DMD: variants seen among roughly 807,000 people sequenced by gnomAD.
The protein encoded by DMD is dystrophin.
Under a neutral mutation model 330.1 loss-of-function variants are expected in DMD, and 63 were observed. That is an observed-to-expected ratio of 0.19 (90% CI 0.16 to 0.24). The LOEUF (loss-of-function observed/expected upper bound fraction) is 0.24, where lower values mean the gene tolerates loss of function less well. Among genes scored for constraint, DMD ranks in the 10% least tolerant of loss-of-function variants. The probability of loss-of-function intolerance (pLI) is 1.00; values close to 1 mark genes in which losing one functional copy is unlikely to be tolerated. For missense variants in DMD, 3,344 were observed against 2,684.1 expected, an observed-to-expected ratio of 1.25 and a Z score of -5.43; for synonymous variants, 1,223 against 959.8, an observed-to-expected ratio of 1.27 and a Z score of -5.07.
At chrX:32,821,453 G>T (rs1414837782) in intron 5 of DMD, among the ~76,000 whole-genome samples, 1 of 33,055 alleles carries the variant, frequency 3.0e-5, no homozygotes, top group Non-Finnish European at 6.1e-5. Context: ...CGGGCGTGGT[G>T]GGGGGGCGCC....
chrX:31,284,568 T>TCTTCTTCTTCTTTCTTCTTC, intron 62 of DMD, among the ~76,000 whole-genome samples: 6 of 61,328 alleles, frequency 9.8e-5, no homozygotes, highest in African/African-American at 3.8e-4. Flanking sequence ...TTCTTCTTCT[T>TCTTCTTCTTCTTTCTTCTTC]CTTCTTCTTC....
At chrX:32,260,118 A>G (rs1456727) in intron 43 of DMD, among the ~76,000 whole-genome samples, 14,313 of 110,503 alleles carry the variant, frequency 0.13, 920 homozygotes, top group Admixed American at 0.26. Context: ...CGTGAGTGCA[A>G]TTGTGATTGA....
intron 53 of DMD, among the ~76,000 whole-genome samples, chrX:31,670,917 T>C (rs1324842757): frequency 3.7e-5 from 4 of 108,417 alleles, no homozygotes; most frequent in East Asian, 5.7e-4. Context: ...AAACCTTCTT[T>C]TTTTTTTTTT....
At chrX:32,931,049 CAT>C (rs1485749997) in intron 2 of DMD, among the ~76,000 whole-genome samples, 1 of 106,512 alleles carries the variant, frequency 9.4e-6, no homozygotes, top group South Asian at 3.9e-4. Flanking sequence ...ATATATATTT[CAT>C]ATATGTTAAA....
intron 47 of DMD, among the ~76,000 whole-genome samples, chrX:31,918,804 A>G (rs1420646241): frequency 1.8e-5 from 2 of 110,018 alleles, no homozygotes; most frequent in Non-Finnish European, 3.8e-5. Flanking sequence ...CGCCCAGCTA[A>G]TTTTTGTATT....
intron 4 of DMD, among the ~76,000 whole-genome samples, chrX:32,834,403 T>G (rs2079426529): frequency 8.9e-6 from 1 of 111,995 alleles, no homozygotes; most frequent in South Asian, 3.7e-4. Flanking sequence ...TTTAAGTTTC[T>G]GAATACTTAA....
intron 44 of DMD, among the ~76,000 whole-genome samples, chrX:32,016,787 T>C (rs2095764470): frequency 8.9e-6 from 1 of 112,805 alleles, no homozygotes; most frequent in Admixed American, 9.4e-5. Context: ...TTAGAATATA[T>C]GGCACTTGCA....
chrX:32,186,940 T>G (rs1056885656), intron 44 of DMD, among the ~76,000 whole-genome samples: 2 of 110,917 alleles, frequency 1.8e-5, no homozygotes, highest in Admixed American at 9.7e-5. Context: ...GTTCTCAGAA[T>G]GACTCTTACA....
chrX:32,630,898 T>C (rs1465632405), intron 11 of DMD, among the ~76,000 whole-genome samples: 1 of 111,848 alleles, frequency 8.9e-6, no homozygotes, highest in Non-Finnish European at 1.9e-5. Flanking sequence ...TTCATCAATG[T>C]CTGGGCATTG....
intron 52 of DMD, among the ~76,000 whole-genome samples, chrX:31,685,603 G>C (rs1311269163): frequency 4.5e-5 from 5 of 112,159 alleles, no homozygotes; most frequent in African/African-American, 1.6e-4. Flanking sequence ...CAAAGGCAAG[G>C]ACAGAATCTG....
chrX:31,412,014 C>T (rs183923223), intron 60 of DMD, among the ~76,000 whole-genome samples: 1,625 of 107,455 alleles, frequency 0.015, 26 homozygotes, highest in East Asian at 0.14. Context: ...GGTGAAACCC[C>T]GTCTCTACTA....
In DMD at chrX:33,060,017, T is replaced by C. The variant is rs1259752815; in HGVS notation, c.32-39817A>G. ...CCATCTTTCAAAACAAATGGTAATGTGCGATCCTTATACTGTTAAAGAAAA... is the reference window on the plus strand; with the variant it reads ...CCATCTTTCAAAACAAATGGTAATGCGCGATCCTTATACTGTTAAAGAAAA... On this transcript the variant is annotated intron_variant, in intron 1 of 78. Coordinates refer to ENST00000357033, the MANE Select transcript of DMD (RefSeq NM_004006.3). Among the ~76,000 whole-genome samples, 3 of 112,045 alleles carry C rather than the reference T, an allele frequency of 2.7e-5. No individual in the cohort carries two copies. In the East Asian group the frequency reaches 8.5e-4, roughly 32 times the overall value.
chrX:32,353,173 A>T lies in DMD; in HGVS notation c.5326-4645T>A, dbSNP rs147916719. 8.2e-3 allele frequency among the ~76,000 whole-genome samples: 912 copies of T among 111,233 alleles called. 8 individuals carry two copies. The highest frequency in any genetic ancestry group is 0.028 in the African/African-American group (871 of 30,784). On this transcript the variant is annotated intron_variant, in intron 37 of 78. Coordinates refer to ENST00000357033, the MANE Select transcript of DMD (RefSeq NM_004006.3). ...CAGCCATATGATTAATAGTCTTTGG[A>T]CACAAAGAGATGAAAAAAATTCATT...
chrX:32,927,851 A>G (rs2089210260), intron 2 of DMD, among the ~76,000 whole-genome samples: 1 of 111,082 alleles, frequency 9.0e-6, no homozygotes, highest in Non-Finnish European at 1.9e-5. Flanking sequence ...ATTTAGAAAA[A>G]AAATAGACAT....
chrX:32,735,008 A>G (rs1432695846), intron 7 of DMD, among the ~76,000 whole-genome samples: 1 of 111,184 alleles, frequency 9.0e-6, no homozygotes, highest in Non-Finnish European at 1.9e-5. Context: ...TTGTATATCT[A>G]GAAAACCCCA....
At chrX:32,631,367 C>T (rs1023704847) in intron 11 of DMD, among the ~76,000 whole-genome samples, 3 of 111,524 alleles carry the variant, frequency 2.7e-5, no homozygotes, top group African/African-American at 9.8e-5. Flanking sequence ...CCCAAGGACT[C>T]TACAATCGGC....
intron 7 of DMD, among the ~76,000 whole-genome samples, chrX:32,768,168 TAAA>T (rs750145481): frequency 2.7e-5 from 3 of 111,888 alleles, no homozygotes; most frequent in African/African-American, 9.7e-5. Flanking sequence ...AAAAATATGT[TAAA>T]AAATGAATAT....
At chrX:32,215,981 C>T (rs2097110987) in intron 44 of DMD, among the ~76,000 whole-genome samples, 1 of 112,027 alleles carries the variant, frequency 8.9e-6, no homozygotes, top group African/African-American at 3.2e-5. Flanking sequence ...ACTATGGAAA[C>T]ATATTTGAGA....
At chrX:32,225,935 TC>T (rs2097146265) in intron 43 of DMD, among the ~76,000 whole-genome samples, 1 of 111,742 alleles carries the variant, frequency 8.9e-6, no homozygotes, top group Non-Finnish European at 1.9e-5. Flanking sequence ...AATGGCCTAA[TC>T]CAGTCCTTAG....
Sources: allele counts gnomAD v4.1 joint callset (sites outside exome capture counted in the v4.1 genomes callset), GRCh38; gene constraint gnomAD v4.1.1; transcripts MANE v1.5; gene names NCBI Gene and HGNC (gene_info 2026-07-23, HGNC 2026-07-21).